NALF1: variants seen among roughly 807,000 people sequenced by gnomAD.
NALF1 encodes NALCN channel auxiliary factor 1, also known as family with sequence similarity 155 member A.
A neutral mutation model predicts 48.4 loss-of-function variants in NALF1; 3 were observed. The ratio of observed to expected loss-of-function variants is 0.06; its 90% CI spans 0.03 to 0.16. NALF1 has a LOEUF of 0.16. Among genes scored for constraint, NALF1 ranks in the 10% least tolerant of loss-of-function variants. NALF1 has a pLI of 1.00. For synonymous variants in NALF1, 262 were observed against 245.7 expected, an observed-to-expected ratio of 1.07 and a Z score of -0.62; for missense variants, 526 against 571.5, an observed-to-expected ratio of 0.92 and a Z score of 0.81.
chr13:107,771,494 T>C (rs1208652769), intron 1 of NALF1, among the ~76,000 whole-genome samples: 1 of 148,964 alleles, frequency 6.7e-6, no homozygotes, highest in Non-Finnish European at 1.5e-5. Context: ...TGATACAATA[T>C]ATAAAATCTA....
intron 1 of NALF1, among the ~76,000 whole-genome samples, chr13:107,264,026 A>G (rs1270153935): frequency 6.6e-6 from 1 of 152,218 alleles, no homozygotes; most frequent in Non-Finnish European, 1.5e-5. Flanking sequence ...TGCAAAGAGT[A>G]CATCTGGTAG....
chr13:107,200,575 G>A (rs1404137891), intron 2 of NALF1, among the ~76,000 whole-genome samples: 1 of 152,116 alleles, frequency 6.6e-6, no homozygotes, highest in African/African-American at 2.4e-5. Context: ...CATAAGCTGT[G>A]GTAAATGATA....
chr13:107,445,440 T>C (rs1884634197), intron 1 of NALF1, among the ~76,000 whole-genome samples: 1 of 152,190 alleles, frequency 6.6e-6, no homozygotes, highest in Non-Finnish European at 1.5e-5. Flanking sequence ...TATGGATGCG[T>C]CACAGTTTGT....
intron 1 of NALF1, among the ~76,000 whole-genome samples, chr13:107,356,700 C>T (rs1203860919): frequency 6.6e-5 from 10 of 152,130 alleles, no homozygotes; most frequent in Non-Finnish European, 1.3e-4. Context: ...CAAGTAGTAA[C>T]TGGATTAGTA....
chr13:107,458,238 T>C (rs555387970), intron 1 of NALF1, among the ~76,000 whole-genome samples: 6 of 152,232 alleles, frequency 3.9e-5, no homozygotes, highest in Admixed American at 2.6e-4. Context: ...CCAGCCCTCA[T>C]ATTTGGCATA....
intron 1 of NALF1, among the ~76,000 whole-genome samples, chr13:107,632,800 G>A (rs1226127346): frequency 4.0e-5 from 6 of 151,386 alleles, no homozygotes; most frequent in African/African-American, 1.5e-4. Context: ...ATTTTGAAAT[G>A]AATGAGGGAA....
intron 1 of NALF1, among the ~76,000 whole-genome samples, chr13:107,306,878 T>G (rs1044336420): frequency 2.4e-4 from 37 of 152,146 alleles, no homozygotes; most frequent in African/African-American, 8.0e-4. Flanking sequence ...GATGGGAGAA[T>G]GGCTTGAGCC....
At chr13:107,186,446 C>A (rs1198810845) in intron 2 of NALF1, among the ~76,000 whole-genome samples, 2 of 152,178 alleles carry the variant, frequency 1.3e-5, no homozygotes, top group East Asian at 3.9e-4. Flanking sequence ...CGGCTCACGG[C>A]AACCTCTGCC....
intron 1 of NALF1, among the ~76,000 whole-genome samples, chr13:107,408,003 A>G (rs922020094): frequency 2.0e-5 from 3 of 152,078 alleles, no homozygotes; most frequent in South Asian, 2.1e-4. Context: ...GCCAGACACT[A>G]AAAGACAAAC....
intron 1 of NALF1, among the ~76,000 whole-genome samples, chr13:107,290,060 G>A (rs931879264): frequency 6.6e-6 from 1 of 151,634 alleles, no homozygotes; most frequent in Non-Finnish European, 1.5e-5. Context: ...TATTCAATGG[G>A]TGCTTGGACT....
At chr13:107,426,446 C>A (rs1355639995) in intron 1 of NALF1, among the ~76,000 whole-genome samples, 2 of 152,268 alleles carry the variant, frequency 1.3e-5, no homozygotes, top group South Asian at 2.1e-4. Context: ...AATATTTGAA[C>A]CTTCATATGA....
intron 1 of NALF1, among the ~76,000 whole-genome samples, chr13:107,470,438 T>A (rs1381087336): frequency 6.6e-6 from 1 of 152,224 alleles, no homozygotes; most frequent in African/African-American, 2.4e-5. Context: ...TTTGTTCATA[T>A]GATATACTGT....
intron 1 of NALF1, among the ~76,000 whole-genome samples, chr13:107,549,052 C>T (rs928873010): frequency 2.0e-5 from 3 of 151,934 alleles, no homozygotes; most frequent in Non-Finnish European, 4.4e-5. Flanking sequence ...AAATCCTGGA[C>T]CTAAGATGAT....
chr13:107,564,554 T>C (rs540658494), intron 1 of NALF1, among the ~76,000 whole-genome samples: 14 of 152,174 alleles, frequency 9.2e-5, no homozygotes, highest in Non-Finnish European at 1.8e-4. Flanking sequence ...CCCCTAGTTC[T>C]TGGAGTTTTA....
At chr13:107,830,425 G>A (rs1594300053) in intron 1 of NALF1, among the ~76,000 whole-genome samples, 1 of 152,084 alleles carries the variant, frequency 6.6e-6, no homozygotes, top group Non-Finnish European at 1.5e-5. Context: ...GGTTCCAATC[G>A]CTCCATATCC....
chr13:107,673,220 T>A (rs1405307114), intron 1 of NALF1, among the ~76,000 whole-genome samples: 1 of 152,180 alleles, frequency 6.6e-6, no homozygotes, highest in Admixed American at 6.5e-5. Context: ...TCTTCTCCTC[T>A]GCTGTTAAAG....
At chr13:107,840,698 A>T (rs369179642) in intron 1 of NALF1, among the ~76,000 whole-genome samples, 1 of 152,182 alleles carries the variant, frequency 6.6e-6, no homozygotes, top group Admixed American at 6.5e-5. Context: ...AGCAGTTGTC[A>T]GTCTCTCATA....
intron 2 of NALF1, among the ~76,000 whole-genome samples, chr13:107,182,860 T>G (rs975478326): frequency 6.6e-6 from 1 of 152,154 alleles, no homozygotes; most frequent in Admixed American, 6.5e-5. Flanking sequence ...TGGGGGTGAT[T>G]GGGTTGTATT....
intron 1 of NALF1, among the ~76,000 whole-genome samples, chr13:107,787,486 C>A (rs1235819894): frequency 6.6e-6 from 1 of 152,144 alleles, no homozygotes; most frequent in Non-Finnish European, 1.5e-5. Flanking sequence ...GTTTATGGGT[C>A]TATAGTTTTA....
Sources: gnomAD v4.1 joint callset for allele counts (sites outside exome capture counted in the v4.1 genomes callset) on GRCh38, gnomAD v4.1.1 for gene constraint, MANE v1.5 for transcripts, NCBI Gene and HGNC (gene_info 2026-07-23, HGNC 2026-07-21) for gene names.